Variants in CTNNA3 observed in about 807,000 individuals in gnomAD.
CTNNA3 encodes catenin alpha 3, also known as catenin alpha-3.
In CTNNA3, 76 loss-of-function variants were observed where a neutral mutation model predicts 95.7. The observed-to-expected ratio is 0.79, with a 90% CI of 0.66 to 0.96. The LOEUF is 0.96. CTNNA3 is among the 40% of genes least tolerant of loss of function. CTNNA3 has a pLI of 0.00. For synonymous variants in CTNNA3, 431 were observed against 374.4 expected, an observed-to-expected ratio of 1.15 and a Z score of -1.74; for missense variants, 1,191 against 1,089.8, an observed-to-expected ratio of 1.09 and a Z score of -1.31.
At position 67,539,515 on chromosome 10, in the gene CTNNA3, T is replaced by C. The variant is rs1840597157; in HGVS notation, c.447A>G (p.Gln149=). The change falls in exon 4 of 18, where the codon CAA becomes CAG. Residue 149 remains glutamine, a synonymous_variant. Transcript: ENST00000433211. ...ADMIDVMCLL[Q]HVSAFQRTFE... Reference sequence around the variant, plus strand: ...ATCTTTTACTTACAGCTGACACATGTTGCAAGAGGCACATGACATCAATCA... The same window carrying C: ...ATCTTTTACTTACAGCTGACACATGCTGCAAGAGGCACATGACATCAATCA... The C allele has an allele frequency of 1.9e-6, 3 of 1,613,190 alleles. No homozygotes were observed. Among genetic ancestry groups the C allele is most frequent in the African/African-American group, 1.3e-5 (1 of 74,870 alleles).
intron 3 of CTNNA3, among the ~76,000 whole-genome samples, chr10:67,559,592 T>C (rs978007821): frequency 1.3e-5 from 2 of 152,052 alleles, no homozygotes; most frequent in Non-Finnish European, 2.9e-5. Context: ...CCTCTCCTCC[T>C]CCAAAGGAAC....
intron 7 of CTNNA3, among the ~76,000 whole-genome samples, chr10:67,022,899 T>C (rs2133079666): frequency 6.6e-6 from 1 of 152,062 alleles, no homozygotes; most frequent in South Asian, 2.1e-4. Flanking sequence ...GATCATGCCA[T>C]TGCACTCCAG....
At chr10:67,712,603 A>G (rs930277808) in intron 1 of CTNNA3, among the ~76,000 whole-genome samples, 3 of 152,248 alleles carry the variant, frequency 2.0e-5, no homozygotes, top group African/African-American at 7.2e-5. Context: ...AAGCCTTGGC[A>G]GCTTCCACAT....
At chr10:66,099,912 C>T (rs1264481717) in intron 14 of CTNNA3, among the ~76,000 whole-genome samples, 2 of 152,066 alleles carry the variant, frequency 1.3e-5, no homozygotes, top group Non-Finnish European at 2.9e-5. Flanking sequence ...AGTCTGAAGA[C>T]ATAATCCTCT....
In CTNNA3 at chr10:67,154,766, T is replaced by C. The variant is rs928069651; in HGVS notation, c.1047+25551A>G. Among the ~76,000 whole-genome samples the C allele has an allele frequency of 2.6e-5, 4 of 152,284 alleles. No homozygotes were observed. In the East Asian group the frequency reaches 7.7e-4, roughly 29 times the overall value. ...GGCCCAGCATGACCCCTACCTTGCC[T>C]ACCTGCCTCCCAGTCTCATCTAACA... On this transcript the variant is annotated intron_variant, in intron 7 of 17. Coordinates refer to ENST00000433211, the MANE Select transcript of CTNNA3 (RefSeq NM_013266.4).
At chr10:65,927,545 G>A (rs1011472753) in intron 17 of CTNNA3, among the ~76,000 whole-genome samples, 9 of 152,128 alleles carry the variant, frequency 5.9e-5, no homozygotes, top group Non-Finnish European at 1.3e-4. Flanking sequence ...TATATAAATG[G>A]AATTCTATGG....
chr10:66,091,585 G>C (rs2081213998), intron 14 of CTNNA3, among the ~76,000 whole-genome samples: 3 of 151,876 alleles, frequency 2.0e-5, no homozygotes, highest in Admixed American at 2.0e-4. Flanking sequence ...ATCTAATAGG[G>C]AGACTAAACA....
intron 7 of CTNNA3, among the ~76,000 whole-genome samples, chr10:66,902,826 A>C (rs185473794): frequency 1.1e-3 from 168 of 152,340 alleles, no homozygotes; most frequent in African/African-American, 3.9e-3. Flanking sequence ...AGACTAAACT[A>C]GGAAGAAGTT....
At chr10:67,501,336 T>C (rs573461249) in intron 5 of CTNNA3, among the ~76,000 whole-genome samples, 1 of 152,238 alleles carries the variant, frequency 6.6e-6, no homozygotes, top group Non-Finnish European at 1.5e-5. Flanking sequence ...AGATCCACTG[T>C]TAGTCTGATG....
At position 67,691,048 on chromosome 10, in the gene CTNNA3, C is replaced by T. The variant is rs372953552; in HGVS notation, c.-6+4952G>A. On this transcript the variant is annotated intron_variant, in intron 1 of 17. Coordinates refer to ENST00000433211, the MANE Select transcript of CTNNA3 (RefSeq NM_013266.4). ...CTGCGATTGCAGGCGCGCGCCGCCA[C>T]GCCTGACTGGTTTTCGTATTTTTTT... is the stretch of plus-strand genomic sequence containing the variant. 4.8e-4 allele frequency among the ~76,000 whole-genome samples: 73 copies of T among 152,364 alleles called. 1 individual carries two copies. In the East Asian group the frequency reaches 4.8e-3, roughly 10 times the overall value.
intron 17 of CTNNA3, among the ~76,000 whole-genome samples, chr10:65,930,862 T>C (rs771708144): frequency 3.9e-5 from 6 of 152,230 alleles, no homozygotes; most frequent in Non-Finnish European, 8.8e-5. Context: ...CAAATTCCAG[T>C]ATTTTGTTGG....
intron 5 of CTNNA3, among the ~76,000 whole-genome samples, chr10:67,495,782 G>T (rs1839004928): frequency 6.6e-6 from 1 of 152,194 alleles, no homozygotes; most frequent in South Asian, 2.1e-4. Flanking sequence ...CAATAGGGGA[G>T]AAAATTGATA....
intron 5 of CTNNA3, among the ~76,000 whole-genome samples, chr10:67,255,318 AAATT>A (rs1341353843): frequency 1.3e-5 from 2 of 148,864 alleles, no homozygotes; most frequent in South Asian, 2.1e-4. Context: ...ATAAATAAAT[AAATT>A]AATTAATTAA....
intron 15 of CTNNA3, among the ~76,000 whole-genome samples, chr10:66,038,818 C>T (rs776443566): frequency 1.3e-5 from 2 of 152,140 alleles, no homozygotes; most frequent in Non-Finnish European, 2.9e-5. Context: ...GAAGCATTCC[C>T]CCTTGAAAAC....
intron 7 of CTNNA3, among the ~76,000 whole-genome samples, chr10:67,066,555 A>G (rs1856103308): frequency 6.6e-6 from 1 of 150,878 alleles, no homozygotes; most frequent in Non-Finnish European, 1.5e-5. Context: ...AAAAAAAGGT[A>G]CATACACACC....
intron 7 of CTNNA3, among the ~76,000 whole-genome samples, chr10:67,103,228 C>A (rs1160390560): frequency 6.6e-6 from 1 of 151,822 alleles, no homozygotes; most frequent in Non-Finnish European, 1.5e-5. Flanking sequence ...ATTGTGAATT[C>A]TTGTGCTTTC....
At chr10:67,112,336 T>C (rs1411090226) in intron 7 of CTNNA3, among the ~76,000 whole-genome samples, 1 of 152,164 alleles carries the variant, frequency 6.6e-6, no homozygotes, top group Non-Finnish European at 1.5e-5. Context: ...CTTGTCTTTT[T>C]TTTCCTTCCA....
At chr10:67,265,365 A>G (rs1866777966) in intron 5 of CTNNA3, among the ~76,000 whole-genome samples, 1 of 152,186 alleles carries the variant, frequency 6.6e-6, no homozygotes, top group Admixed American at 6.5e-5. Flanking sequence ...TGAAAGAGCA[A>G]TAGACACATA....
At chr10:67,427,240 C>T (rs961328606) in intron 5 of CTNNA3, among the ~76,000 whole-genome samples, 1 of 152,036 alleles carries the variant, frequency 6.6e-6, no homozygotes, top group South Asian at 2.1e-4. Flanking sequence ...GTTTCTCCAA[C>T]AGTCCTCACT....
Sources: allele counts gnomAD v4.1 joint callset (sites outside exome capture counted in the v4.1 genomes callset), GRCh38; gene constraint gnomAD v4.1.1; transcripts MANE v1.5; gene names NCBI Gene and HGNC (gene_info 2026-07-23, HGNC 2026-07-21).